The following STXBP5 variants were observed in gnomAD, a reference collection of about 807,000 sequenced individuals.
The protein encoded by STXBP5 is syntaxin-binding protein 5.
A neutral mutation model predicts 152.4 loss-of-function variants in STXBP5; 50 were observed. The observed-to-expected ratio is 0.33, with a 90% CI of 0.26 to 0.42. STXBP5 has a LOEUF of 0.42. STXBP5 is among the 10% of genes least tolerant of loss of function. The pLI is 1.00. For synonymous variants in STXBP5, 492 were observed against 494.7 expected, an observed-to-expected ratio of 0.99 and a Z score of 0.07; for missense variants, 1,167 against 1,388.6, an observed-to-expected ratio of 0.84 and a Z score of 2.54.
intron 19 of STXBP5, among the ~76,000 whole-genome samples, chr6:147,338,688 C>T (rs1783946699): frequency 6.6e-6 from 1 of 150,570 alleles, no homozygotes. Flanking sequence ...TTAAAGATCC[C>T]TTATTGTACA....
chr6:147,270,523 G>C (rs1780113365), intron 7 of STXBP5, among the ~76,000 whole-genome samples: 1 of 151,312 alleles, frequency 6.6e-6, no homozygotes, highest in Non-Finnish European at 1.5e-5. Context: ...TTTATACCTG[G>C]TGAAATTTTT....
At chr6:147,264,623 C>G (rs1404462644) in intron 6 of STXBP5, among the ~76,000 whole-genome samples, 1 of 152,042 alleles carries the variant, frequency 6.6e-6, no homozygotes, top group African/African-American at 2.4e-5. Context: ...CACATACACA[C>G]TAATGCTTTT....
chr6:147,212,940 A>G (rs1776933853), intron 2 of STXBP5, among the ~76,000 whole-genome samples: 1 of 152,216 alleles, frequency 6.6e-6, no homozygotes, highest in East Asian at 1.9e-4. Context: ...AACAAAATTC[A>G]CCTTCTTCCT....
intron 26 of STXBP5, among the ~76,000 whole-genome samples, chr6:147,376,373 A>C (rs904608155): frequency 1.3e-5 from 2 of 152,210 alleles, no homozygotes; most frequent in African/African-American, 2.4e-5. Context: ...AGTCATTCCG[A>C]AACAAAGCAA....
intron 4 of STXBP5, among the ~76,000 whole-genome samples, chr6:147,243,895 G>A (rs1196786608): frequency 1.3e-5 from 2 of 151,532 alleles, no homozygotes; most frequent in East Asian, 3.9e-4. Context: ...CCTTTATCAG[G>A]GAGCAATTTA....
intron 7 of STXBP5, among the ~76,000 whole-genome samples, chr6:147,270,383 A>T (rs1282430542): frequency 2.9e-5 from 4 of 138,300 alleles, no homozygotes; most frequent in Non-Finnish European, 6.1e-5. Flanking sequence ...TGGGCGACAG[A>T]GTGAGACTCT....
chr6:147,256,961 C>A (rs1779398914), intron 4 of STXBP5, among the ~76,000 whole-genome samples: 1 of 151,918 alleles, frequency 6.6e-6, no homozygotes, highest in Non-Finnish European at 1.5e-5. Flanking sequence ...ATAAAATCTT[C>A]CAAATTTTGT....
intron 26 of STXBP5, among the ~76,000 whole-genome samples, chr6:147,377,321 T>C (rs1398995576): frequency 6.6e-6 from 1 of 152,180 alleles, no homozygotes; most frequent in East Asian, 1.9e-4. Flanking sequence ...ATCTTAAATA[T>C]GTATTAGTAT....
intron 4 of STXBP5, among the ~76,000 whole-genome samples, chr6:147,258,420 A>G (rs1779481971): frequency 6.6e-6 from 1 of 152,016 alleles, no homozygotes; most frequent in Non-Finnish European, 1.5e-5. Context: ...CGCATAACAC[A>G]TAGTTTTTTG....
chr6:147,331,036 T>C (rs1172571101), intron 18 of STXBP5, among the ~76,000 whole-genome samples: 2 of 152,240 alleles, frequency 1.3e-5, no homozygotes, highest in Admixed American at 1.3e-4. Flanking sequence ...TTGCCAGCCC[T>C]CTCAATTAAA....
chr6:147,216,093 A>G (rs760301688), intron 2 of STXBP5, among the ~76,000 whole-genome samples: 12 of 152,132 alleles, frequency 7.9e-5, no homozygotes, highest in Admixed American at 1.3e-4. Context: ...TGAATAATGT[A>G]TTTTTTAAAA....
At chr6:147,294,397 GATAA>G (rs1355689551) in intron 9 of STXBP5, among the ~76,000 whole-genome samples, 2 of 151,950 alleles carry the variant, frequency 1.3e-5, no homozygotes, top group Non-Finnish European at 2.9e-5. Flanking sequence ...TAAAAAATTA[GATAA>G]ATATATAAAG....
intron 25 of STXBP5, among the ~76,000 whole-genome samples, chr6:147,373,436 A>T (rs1157713156): frequency 6.6e-6 from 1 of 151,456 alleles, no homozygotes. Flanking sequence ...GATATGAGTT[A>T]TATGAAAATT....
intron 4 of STXBP5, 143 bp downstream of exon 4, chr6:147,239,413 G>T: frequency 1.6e-6 from 1 of 626,160 alleles, no homozygotes; most frequent in East Asian, 2.9e-5. Flanking sequence ...TACAATAAAA[G>T]CAAGATTCCT....
chr6:147,352,791 A>G (rs1408874291), intron 21 of STXBP5, among the ~76,000 whole-genome samples: 1 of 152,186 alleles, frequency 6.6e-6, no homozygotes, highest in African/African-American at 2.4e-5. Context: ...CTAAGAAATA[A>G]TTAAAAGTTA....
At chr6:147,215,405 A>C (rs370984755) in intron 2 of STXBP5, among the ~76,000 whole-genome samples, 2 of 152,174 alleles carry the variant, frequency 1.3e-5, no homozygotes, top group Admixed American at 1.3e-4. Context: ...GTTTTGAGAC[A>C]AGGTCTGGCT....
chr6:147,294,059 A>G (rs1469403766), intron 9 of STXBP5, among the ~76,000 whole-genome samples: 1 of 152,230 alleles, frequency 6.6e-6, no homozygotes, highest in Non-Finnish European at 1.5e-5. Flanking sequence ...GAGAAACCAG[A>G]TGTTCTCTAG....
At chr6:147,339,445 A>G in intron 21 of STXBP5, 61 bp downstream of exon 21, 6 of 1,267,606 alleles carry the variant, frequency 4.7e-6, no homozygotes, top group South Asian at 1.8e-5. Flanking sequence ...CTAACCCAAC[A>G]CCAGAATTAT....
chr6:147,235,409 T>C (rs916854779), intron 3 of STXBP5, 78 bp downstream of exon 3: 3 of 1,131,314 alleles, frequency 2.7e-6, no homozygotes, highest in South Asian at 2.8e-5. Context: ...CTTACATGCA[T>C]TCACAATTTA....
Sources: gnomAD v4.1 joint callset for allele counts (sites outside exome capture counted in the v4.1 genomes callset) on GRCh38, gnomAD v4.1.1 for gene constraint, MANE v1.5 for transcripts, NCBI Gene and HGNC (gene_info 2026-07-23, HGNC 2026-07-21) for gene names.